The following TAF1 variants were observed in gnomAD, a reference collection of about 807,000 sequenced individuals.
TAF1 encodes the protein transcription initiation factor TFIID subunit 1.
Under a neutral mutation model 138.5 loss-of-function variants are expected in TAF1, and 2 were observed. The ratio of observed to expected loss-of-function variants is 0.01; its 90% CI spans 0.01 to 0.05. TAF1 has a LOEUF of 0.05. TAF1 is among the 10% of genes least tolerant of loss of function. The pLI is 1.00. For missense variants in TAF1, 709 were observed against 1,478.0 expected (o/e 0.48, Z 8.53); for synonymous variants, 437 against 503.2 (o/e 0.87, Z 1.76).
intron 14 of TAF1, chrX:71,528,745 A>G (rs187476194): frequency 3.1e-6 from 1 of 322,277 alleles, no homozygotes; most frequent in African/African-American, 2.7e-5. Flanking sequence ...ACAGCTCTTT[A>G]AAGGTAGCAC....
intron 28 of TAF1, among the ~76,000 whole-genome samples, chrX:71,409,457 G>A (rs1030553676): frequency 7.2e-5 from 8 of 111,491 alleles, no homozygotes; most frequent in Non-Finnish European, 1.3e-4. Context: ...AGAGGAAACA[G>A]TATAGCTTCT....
intron 13 of TAF1, among the ~76,000 whole-genome samples, chrX:71,486,782 A>G (rs1056389558): frequency 9.0e-6 from 1 of 111,082 alleles, no homozygotes; most frequent in Non-Finnish European, 1.9e-5. Context: ...TCCAATAATT[A>G]TAGTCTCTTA....
At position 71,377,768 on chromosome X, in the gene TAF1, A is replaced by G. The variant is rs769951106; in HGVS notation, c.880A>G (p.Asn294Asp). 1.6e-5 allele frequency: 19 copies of G among 1,209,522 alleles called. No individual in the cohort carries two copies. The highest frequency in any genetic ancestry group is 2.0e-5 in the Non-Finnish European group (18 of 895,243). The change falls in exon 6 of 38, where the codon AAC (asparagine) becomes GAC (aspartate). Residue 294 changes from asparagine (N) to aspartate (D), a missense_variant. Asn to Asp is a conservative substitution (Grantham distance 23). Coordinates refer to ENST00000423759, the MANE Select transcript of TAF1 (RefSeq NM_004606.5). ...ESEVSQKSLW[N>D]YDYAPPPPPE... is the part of the protein sequence containing the mutation. Reference sequence around the variant, plus strand: ...AGAAGTCAGCCAGAAGTCTTTGTGGAACTACGACTACGCTCCACCACCACC... The same window carrying G: ...AGAAGTCAGCCAGAAGTCTTTGTGGGACTACGACTACGCTCCACCACCACC...
At chrX:71,389,826 C>A in intron 18 of TAF1, 161 bp downstream of exon 18, 1 of 381,227 alleles carries the variant, frequency 2.6e-6, no homozygotes, top group Non-Finnish European at 4.4e-6. Flanking sequence ...TGCGATATAT[C>A]AAATATTATA....
chrX:71,437,996 C>T (rs900354304), intron 32 of TAF1, among the ~76,000 whole-genome samples: 20 of 108,852 alleles, frequency 1.8e-4, no homozygotes, highest in African/African-American at 6.4e-4. Context: ...CCACCACGCC[C>T]GGGTAATTTT....
rs61199901 is a variant in TAF1, at chrX:71,525,830, AT to A, written c.1367-2697del. On this transcript the variant is annotated intron_variant and NMD_transcript_variant, in intron 13 of 14. Coordinates refer to the TAF1 transcript ENST00000373775. ...CACCACACCCAGCTAATTTTTTTGT[AT>A]TTTTTTTTTTTTTTGTAGAGATGGG... Among the ~76,000 whole-genome samples the A allele has an allele frequency of 2.3e-3, 210 of 90,942 alleles. 1 individual carries two copies. The highest frequency in any genetic ancestry group is 3.0e-3 in the African/African-American group (76 of 24,964). 79.0% of individuals were successfully genotyped at this position (90,942 alleles called of 115,157 possible).
chrX:71,424,845 G>A (rs1209457179), intron 32 of TAF1, among the ~76,000 whole-genome samples: 1 of 110,982 alleles, frequency 9.0e-6, no homozygotes, highest in Non-Finnish European at 1.9e-5. Flanking sequence ...GGCTGGTCTC[G>A]AATTCCTGAC....
chrX:71,366,935 A>C (rs1481404599), intron 1 of TAF1, among the ~76,000 whole-genome samples: 1 of 111,739 alleles, frequency 8.9e-6, no homozygotes, highest in Non-Finnish European at 1.9e-5. Context: ...GGCTTAGGAC[A>C]ATGGGGTGTT....
intron 18 of TAF1, among the ~76,000 whole-genome samples, chrX:71,392,322 G>A (rs1473908567): frequency 9.0e-6 from 1 of 111,263 alleles, no homozygotes. Flanking sequence ...TCCTGCCTGA[G>A]CTCTTGACCT....
intron 19 of TAF1, 35 bp downstream of exon 19, chrX:71,392,753 A>G (rs767791459): frequency 1.7e-6 from 2 of 1,190,061 alleles, no homozygotes; most frequent in Admixed American, 2.3e-5. Context: ...TGAAAAAGTC[A>G]AGGGAGAAAG....
At chrX:71,496,216 A>T (rs762249016) in intron 13 of TAF1, among the ~76,000 whole-genome samples, 39 of 112,229 alleles carry the variant, frequency 3.5e-4, no homozygotes, top group African/African-American at 1.2e-3. Context: ...TTCCTCCTAG[A>T]TCTGGTCGGA....
intron 13 of TAF1, among the ~76,000 whole-genome samples, chrX:71,496,113 A>G (rs1233293202): frequency 1.8e-5 from 2 of 112,360 alleles, no homozygotes; most frequent in South Asian, 3.7e-4. Flanking sequence ...TTCTGCTTCT[A>G]CAAGAGTTTC....
In TAF1 at chrX:71,377,196, A is replaced by G. The variant is rs778363507; in HGVS notation, c.714+5A>G. 1.7e-6 allele frequency: 2 copies of G among 1,211,148 alleles called. No homozygotes were observed. ...CCAGAATTTCGACCTGGAAAGGTAC[A>G]TTCTGTGGAGAATGCTCAGATTGCA... On this transcript the variant is annotated splice_donor_5th_base_variant and intron_variant, in intron 5 of 37. Transcript: ENST00000423759.
chrX:71,428,309 T>C (rs1338733032), intron 32 of TAF1, among the ~76,000 whole-genome samples: 1 of 111,498 alleles, frequency 9.0e-6, no homozygotes, highest in African/African-American at 3.3e-5. Context: ...GTGAGACAGG[T>C]GCTCTCACGT....
Position 71,392,710 on chromosome X carries a change from C to A in TAF1, c.2923C>A (p.Gln975Lys). 1 of 1,195,225 alleles carries A rather than the reference C, an allele frequency of 8.4e-7. No individual in the cohort carries two copies. The highest frequency in any genetic ancestry group is 1.1e-6 in the Non-Finnish European group (1 of 889,493). ...SYVKIPNKPT[Q>K]QKDDKEPQPV... is the part of the protein sequence containing the mutation. ...TGTGAAGATTCCAAACAAACCAACA[C>A]AGCAGAAGGTGAGATTGTGTTTATT... The change falls in exon 19 of 38, where the codon CAG becomes AAG. Residue 975 changes from glutamine to lysine, a missense_variant. Around this residue, in one of 14 missense-constraint regions of TAF1, gnomAD observed 31 missense variants for 140.4 expected, o/e 0.22. Coordinates refer to ENST00000423759, the MANE Select transcript of TAF1 (RefSeq NM_004606.5).
chrX:71,505,741 C>T, intron 13 of TAF1, among the ~76,000 whole-genome samples: 1 of 111,977 alleles, frequency 8.9e-6, no homozygotes, highest in Non-Finnish European at 1.9e-5. Flanking sequence ...AGGAATCTGG[C>T]TGGGCAAGGT....
At chrX:71,367,733 C>T (rs2032663061) in intron 2 of TAF1, 120 bp downstream of exon 2, 1 of 843,836 alleles carries the variant, frequency 1.2e-6, no homozygotes, top group Non-Finnish European at 1.7e-6. Context: ...TGCAGTGGGG[C>T]GATCTGGGCT....
intron 13 of TAF1, among the ~76,000 whole-genome samples, chrX:71,478,671 A>G (rs1397741511): frequency 8.9e-6 from 1 of 112,063 alleles, no homozygotes; most frequent in Non-Finnish European, 1.9e-5. Context: ...ACTGGGTAAC[A>G]TAGGGAGGTC....
At chrX:71,377,320 C>T in intron 5 of TAF1, 129 bp downstream of exon 5, 12 of 991,493 alleles carry the variant, frequency 1.2e-5, no homozygotes, top group Non-Finnish European at 1.6e-5. Flanking sequence ...TACATAAGAG[C>T]TCTTCACACT....
Sources: allele counts gnomAD v4.1 joint callset (sites outside exome capture counted in the v4.1 genomes callset), GRCh38; gene constraint gnomAD v4.1.1; regional missense constraint gnomAD v4.1.1; transcripts MANE v1.5; gene names NCBI Gene and HGNC (gene_info 2026-07-23, HGNC 2026-07-21).